Variants in DCAF8L2 observed in about 807,000 individuals in gnomAD.
DCAF8L2 encodes DDB1 and CUL4 associated factor 8 like 2.
For missense variants in DCAF8L2, 430 were observed against 490.7 expected (o/e 0.88, Z 1.17); for synonymous variants, 200 against 190.9 (o/e 1.05, Z -0.39).
At chrX:27,655,887 A>T (rs1316862814) in intron 2 of DCAF8L2, among the ~76,000 whole-genome samples, 2 of 111,371 alleles carry the variant, frequency 1.8e-5, no homozygotes, top group East Asian at 5.7e-4. Flanking sequence ...GAGTTCAAAT[A>T]GTTAAGTACC....
chrX:27,612,859 G>C (rs1170527242), intron 1 of DCAF8L2, among the ~76,000 whole-genome samples: 1 of 111,607 alleles, frequency 9.0e-6, no homozygotes. Flanking sequence ...TAGCCTTGTG[G>C]TATAGTTTGA....
intron 3 of DCAF8L2, among the ~76,000 whole-genome samples, chrX:27,706,388 C>A (rs1165981187): frequency 9.1e-6 from 1 of 110,230 alleles, no homozygotes; most frequent in Non-Finnish European, 1.9e-5. Flanking sequence ...AGCATTGAAT[C>A]TGTAAATTGT....
intron 1 of DCAF8L2, among the ~76,000 whole-genome samples, chrX:27,619,648 T>G (rs1008863694): frequency 1.8e-5 from 2 of 111,943 alleles, no homozygotes; most frequent in Non-Finnish European, 3.8e-5. Flanking sequence ...ATCTGTCAGC[T>G]GATCACTACA....
At chrX:27,692,560 T>A (rs908565171) in intron 3 of DCAF8L2, among the ~76,000 whole-genome samples, 2 of 112,060 alleles carry the variant, frequency 1.8e-5, no homozygotes, top group Non-Finnish European at 3.8e-5. Flanking sequence ...GTTTAAAAGG[T>A]CCTTATCACC....
intron 1 of DCAF8L2, chrX:27,627,439 A>T (rs991160601): frequency 1.8e-5 from 2 of 110,253 alleles, no homozygotes; most frequent in African/African-American, 6.6e-5. Context: ...AACACCCATG[A>T]TCCCATCACC....
chrX:27,714,010 G>A (rs1306050657), intron 3 of DCAF8L2, among the ~76,000 whole-genome samples: 1 of 111,457 alleles, frequency 9.0e-6, no homozygotes, highest in African/African-American at 3.2e-5. Flanking sequence ...CCCTTATATA[G>A]GTAGAATGGT....
chrX:27,542,038 A>G, the DCAF8L2 span, among the ~76,000 whole-genome samples: 2 of 107,928 alleles, frequency 1.9e-5, no homozygotes, highest in Non-Finnish European at 3.8e-5. Context: ...TTCTCTTCTT[A>G]TGGTTGCATA....
chrX:27,672,293 G>A (rs1317511284), intron 2 of DCAF8L2, among the ~76,000 whole-genome samples: 6 of 111,495 alleles, frequency 5.4e-5, no homozygotes, highest in Non-Finnish European at 9.4e-5. Context: ...CACAGGGCCC[G>A]GGCCATTTGG....
At chrX:27,684,720 C>T (rs1443414417) in intron 3 of DCAF8L2, among the ~76,000 whole-genome samples, 1 of 111,541 alleles carries the variant, frequency 9.0e-6, no homozygotes, top group Admixed American at 9.5e-5. Flanking sequence ...CATGGTAGGA[C>T]ATCTTTGATG....
the DCAF8L2 span, among the ~76,000 whole-genome samples, chrX:27,547,538 T>C: frequency 8.9e-6 from 1 of 111,943 alleles, no homozygotes; most frequent in Admixed American, 9.5e-5. Flanking sequence ...TCAGGAAACT[T>C]ACAATCATGG....
At chrX:27,563,663 G>T in the DCAF8L2 span, among the ~76,000 whole-genome samples, 1 of 111,966 alleles carries the variant, frequency 8.9e-6, no homozygotes, top group Non-Finnish European at 1.9e-5. Context: ...TTGCTACAGA[G>T]AAATACATTT....
chrX:27,567,017 T>A, the DCAF8L2 span, among the ~76,000 whole-genome samples: 1 of 111,628 alleles, frequency 9.0e-6, no homozygotes, highest in African/African-American at 3.3e-5. Context: ...AGTTTCCACA[T>A]ATTTGTGAAT....
At chrX:27,711,040 T>C (rs1428758086) in intron 3 of DCAF8L2, among the ~76,000 whole-genome samples, 2 of 112,196 alleles carry the variant, frequency 1.8e-5, no homozygotes, top group African/African-American at 6.5e-5. Context: ...AAATTAAAAA[T>C]ATAAAAATTG....
the DCAF8L2 span, among the ~76,000 whole-genome samples, chrX:27,577,061 GT>G: frequency 8.9e-6 from 1 of 111,977 alleles, no homozygotes; most frequent in African/African-American, 3.2e-5. Flanking sequence ...ACGTAGGGAT[GT>G]TGGTCCATGC....
In DCAF8L2 at chrX:27,748,456, C is replaced by G; in HGVS notation, c.1561C>G (p.Pro521Ala). 8.3e-7 allele frequency: 1 copy of G among 1,208,588 alleles called. No homozygotes were observed. Among genetic ancestry groups the G allele is most frequent in the Non-Finnish European group, 1.1e-6 (1 of 893,474 alleles). ...SREGTINCLEPHPYLPVLACS... is the reference protein window; with the variant it reads ...SREGTINCLEAHPYLPVLACS... ...AGAAGGTACAATAAACTGTCTTGAACCCCACCCTTACCTACCTGTGTTGGC... is the reference window on the plus strand; with the variant it reads ...AGAAGGTACAATAAACTGTCTTGAAGCCCACCCTTACCTACCTGTGTTGGC... Residue 521 changes from proline to alanine, a missense_variant, in exon 5 of 5, where the codon CCC (proline) becomes GCC (alanine). Transcript: ENST00000451261.
the DCAF8L2 span, among the ~76,000 whole-genome samples, chrX:27,532,127 G>T: frequency 3.7e-4 from 41 of 109,832 alleles, no homozygotes; most frequent in Admixed American, 3.5e-3. Context: ...GACTGCTCTA[G>T]TGGGGCAATA....
At chrX:27,507,429 C>T in the DCAF8L2 span, among the ~76,000 whole-genome samples, 1 of 111,606 alleles carries the variant, frequency 9.0e-6, no homozygotes, top group Non-Finnish European at 1.9e-5. Context: ...TGAAGTGGCA[C>T]CCCCACTAGA....
chrX:27,708,288 G>A (rs1193073062), intron 3 of DCAF8L2, among the ~76,000 whole-genome samples: 3 of 111,695 alleles, frequency 2.7e-5, no homozygotes, highest in Non-Finnish European at 3.8e-5. Flanking sequence ...TAGGATAATG[G>A]CCTCCAGCTG....
At chrX:27,700,358 G>A (rs749766583) in intron 3 of DCAF8L2, among the ~76,000 whole-genome samples, 5 of 92,699 alleles carry the variant, frequency 5.4e-5, no homozygotes, top group Admixed American at 2.3e-4. Context: ...TAACACATCT[G>A]GAAATGGGTC....
Sources: allele counts gnomAD v4.1 joint callset (sites outside exome capture counted in the v4.1 genomes callset), GRCh38; gene constraint gnomAD v4.1.1; transcripts MANE v1.5; gene names NCBI Gene and HGNC (gene_info 2026-07-23, HGNC 2026-07-21).